Variants in ZC3H11A observed in about 807,000 individuals in gnomAD.
ZC3H11A encodes the protein zinc finger CCCH domain-containing protein 11A.
In ZC3H11A, 22 loss-of-function variants were observed where a neutral mutation model predicts 90.8. The ratio of observed to expected loss-of-function variants is 0.24; its 90% CI spans 0.17 to 0.35. The LOEUF (loss-of-function observed/expected upper bound fraction) is 0.35, where lower values mean the gene tolerates loss of function less well. ZC3H11A is among the 10% of genes least tolerant of loss of function. ZC3H11A has a pLI of 1.00. For synonymous variants in ZC3H11A, 294 were observed against 339.8 expected (o/e 0.87, Z 1.48); for missense variants, 701 against 964.9 (o/e 0.73, Z 3.62).
intron 4 of ZC3H11A, 108 bp from the exon 5 acceptor site, chr1:203,828,187 CACAT>C (rs1681182505): frequency 7.8e-7 from 1 of 1,282,178 alleles, no homozygotes; most frequent in Non-Finnish European, 1.1e-6. Context: ...CATCTCATCT[CACAT>C]GCCTCGGATT....
At chr1:203,850,889 G>T (rs1011332268) in intron 16 of ZC3H11A, among the ~76,000 whole-genome samples, 168 bp from the exon 17 acceptor site, 1 of 152,136 alleles carries the variant, frequency 6.6e-6, no homozygotes, top group African/African-American at 2.4e-5. Context: ...ATTTTTAGGT[G>T]GCAAGATATT....
chr1:203,834,436 T>A (rs556617507), intron 10 of ZC3H11A, among the ~76,000 whole-genome samples: 5 of 152,078 alleles, frequency 3.3e-5, no homozygotes, highest in Admixed American at 3.3e-4. Flanking sequence ...CATACCTGGC[T>A]AATTTTTGTA....
intron 2 of ZC3H11A, among the ~76,000 whole-genome samples, chr1:203,803,968 A>C (rs7518201): frequency 0.19 from 28,991 of 151,994 alleles, 3,286 homozygotes; most frequent in East Asian, 0.45. Flanking sequence ...AATAAACTCT[A>C]ATTGGGATTT....
chr1:203,834,040 G>A, intron 10 of ZC3H11A, 187 bp downstream of exon 10: 3 of 1,258,666 alleles, frequency 2.4e-6, no homozygotes, highest in South Asian at 3.0e-5. Context: ...GATTTAAAGT[G>A]TTACAATTGA....
chr1:203,838,293 T>C (rs992117529), intron 11 of ZC3H11A, among the ~76,000 whole-genome samples: 5 of 152,076 alleles, frequency 3.3e-5, no homozygotes, highest in African/African-American at 1.2e-4. Context: ...AAATGGCAGG[T>C]AGGAATACTT....
chr1:203,830,316 G>A, intron 8 of ZC3H11A, 113 bp downstream of exon 8: 1 of 815,592 alleles, frequency 1.2e-6, no homozygotes, highest in South Asian at 1.8e-5. Context: ...TCCATGGCCT[G>A]TTTGAAGTAA....
At chr1:203,821,053 C>G (rs757198170) in intron 4 of ZC3H11A, among the ~76,000 whole-genome samples, 2 of 152,182 alleles carry the variant, frequency 1.3e-5, no homozygotes, top group African/African-American at 2.4e-5. Flanking sequence ...AATCTCACCT[C>G]TATCGTAATC....
intron 1 of ZC3H11A, chr1:203,799,073 C>A (rs758254040): frequency 6.5e-7 from 1 of 1,535,938 alleles, no homozygotes; most frequent in African/African-American, 1.4e-5. Context: ...GCAGGATCCC[C>A]GATTTTAGAA....
chr1:203,840,636 ATTTT>A (rs1161488866), intron 12 of ZC3H11A, among the ~76,000 whole-genome samples: 1 of 125,702 alleles, frequency 8.0e-6, no homozygotes. Flanking sequence ...TTATTTATTT[ATTTT>A]ATTTATTTTT....
intron 4 of ZC3H11A, among the ~76,000 whole-genome samples, chr1:203,827,423 G>A (rs1313173960): frequency 1.3e-5 from 2 of 149,576 alleles, no homozygotes; most frequent in African/African-American, 4.9e-5. Context: ...GCTCACACCT[G>A]TAATCCCAGC....
At position 203,802,796 on chromosome 1, in the gene ZC3H11A, G is replaced by T. The variant is rs1003550634; in HGVS notation, c.-366G>T. On this transcript the variant is annotated 5_prime_UTR_variant, in exon 2 of 18. Coordinates refer to ENST00000367210, the MANE Select transcript of ZC3H11A (RefSeq NM_001376342.1). The stretch of plus-strand genomic sequence containing the variant: ...CCTAGCTGTCTCCAGTCTGACAAAG[G>T]TTATTTGAATGGACTTAATCTCCCA... 1 of 151,744 alleles carries T rather than the reference G, an allele frequency of 6.6e-6. No homozygotes were observed. Among genetic ancestry groups the T allele is most frequent in the African/African-American group, 2.4e-5 (1 of 41,028 alleles). The allele number at this position is 151,744 out of a possible 1,614,324, so 9.4% of individuals were successfully genotyped here.
At chr1:203,826,703 T>C (rs1042864746) in intron 4 of ZC3H11A, among the ~76,000 whole-genome samples, 17 of 152,234 alleles carry the variant, frequency 1.1e-4, no homozygotes, top group South Asian at 2.1e-4. Context: ...CTGGTGTTTT[T>C]TCCTGGAATT....
intron 2 of ZC3H11A, among the ~76,000 whole-genome samples, chr1:203,813,940 ATACCC>A (rs1675363983): frequency 6.7e-6 from 1 of 149,024 alleles, no homozygotes; most frequent in Non-Finnish European, 1.5e-5. Context: ...TTGCCCACCC[ATACCC>A]TTTTCTCTAC....
intron 2 of ZC3H11A, among the ~76,000 whole-genome samples, chr1:203,803,247 A>C (rs1395966890): frequency 6.6e-6 from 1 of 151,862 alleles, no homozygotes; most frequent in Non-Finnish European, 1.5e-5. Context: ...GCTGGAGTGC[A>C]ATGGTGCCAT....
intron 2 of ZC3H11A, chr1:203,806,072 G>C: frequency 2.0e-6 from 1 of 509,736 alleles, no homozygotes; most frequent in Non-Finnish European, 3.9e-6. Context: ...TTTAAAACTC[G>C]CAAGGCTTTC....
chr1:203,824,830 A>G (rs1464748256), intron 4 of ZC3H11A, among the ~76,000 whole-genome samples: 2 of 152,212 alleles, frequency 1.3e-5, no homozygotes, highest in Non-Finnish European at 2.9e-5. Flanking sequence ...CTGTAATCCC[A>G]GCACTTTGGG....
chr1:203,820,468 A>ATGTGTGTGTGTGTGTGTGTG lies in ZC3H11A; in HGVS notation c.174+1794_174+1795insGTGTGTGTGTGTGTGTGTGT, dbSNP rs71145033. On this transcript the variant is annotated intron_variant, in intron 4 of 17. Coordinates refer to ENST00000367210, the MANE Select transcript of ZC3H11A (RefSeq NM_001376342.1). ...AGCTTTAGCAGGAATATCACAAATT[A>ATGTGTGTGTGTGTGTGTGTG]TGTGTGTGTGTGTGTATATTTTGAG... 1.5e-3 allele frequency among the ~76,000 whole-genome samples: 219 copies of ATGTGTGTGTGTGTGTGTGTG among 150,486 alleles called. 1 individual carries two copies. The highest frequency in any genetic ancestry group is 4.6e-3 in the African/African-American group (186 of 40,830).
chr1:203,831,844 A>G (rs1682490527), intron 9 of ZC3H11A, 73 bp downstream of exon 9: 1 of 1,223,818 alleles, frequency 8.2e-7, no homozygotes, highest in South Asian at 1.4e-5. Flanking sequence ...ATCCTTGGGT[A>G]TCTTTTACCT....
At chr1:203,835,851 T>A (rs568313128) in intron 10 of ZC3H11A, 1 of 241,042 alleles carries the variant, frequency 4.1e-6, no homozygotes, top group African/African-American at 2.3e-5. Context: ...GTGCTCCCTT[T>A]TTTTCCGGAG....
Sources: allele counts gnomAD v4.1 joint callset (sites outside exome capture counted in the v4.1 genomes callset), GRCh38; gene constraint gnomAD v4.1.1; transcripts MANE v1.5; gene names NCBI Gene and HGNC (gene_info 2026-07-23, HGNC 2026-07-21).